The following EPS8 variants were observed in gnomAD, a reference collection of about 807,000 sequenced individuals.
EPS8 encodes epidermal growth factor receptor kinase substrate 8.
In EPS8, 42 loss-of-function variants were observed where a neutral mutation model predicts 103.8. That is an observed-to-expected ratio of 0.40 (90% CI 0.32 to 0.52). The LOEUF (loss-of-function observed/expected upper bound fraction) is 0.52. EPS8 is among the 20% of genes least tolerant of loss of function. The pLI, the probability that EPS8 is intolerant of heterozygous loss-of-function variation, is 0.40. For synonymous variants in EPS8, 344 were observed against 344.6 expected (o/e 1.00, Z 0.02); for missense variants, 969 against 1,005.1 (o/e 0.96, Z 0.49).
intron 18 of EPS8, among the ~76,000 whole-genome samples, chr12:15,630,605 A>C: frequency 6.6e-6 from 1 of 152,174 alleles, no homozygotes; most frequent in East Asian, 1.9e-4. Context: ...ATGAAATTTG[A>C]ATTTGGAGGC....
At chr12:15,682,174 G>A (rs1946019960) in intron 2 of EPS8, among the ~76,000 whole-genome samples, 1 of 151,998 alleles carries the variant, frequency 6.6e-6, no homozygotes, top group African/African-American at 2.4e-5. Flanking sequence ...ATAGCACAGT[G>A]TCTGTGGAAA....
chr12:15,654,494 G>A lies in EPS8; in HGVS notation c.1102-201C>T. The A allele has an allele frequency of 5.1e-6, 3 of 585,382 alleles. No homozygotes were observed. The South Asian group carries it at 6.4e-5, about 12-fold the overall frequency. The allele number at this position is 585,382 out of a possible 1,614,324, so 36.3% of individuals were successfully genotyped here. ...CCCAGCAGTGCTTTAAAACCTAAAT[G>A]AAAGTTAACAATTTAACAACTTTCA... On this transcript the variant is annotated intron_variant, in intron 12 of 20. Transcript: ENST00000281172.
chr12:15,668,997 C>T (rs1357347840), intron 6 of EPS8, among the ~76,000 whole-genome samples: 1 of 152,142 alleles, frequency 6.6e-6, no homozygotes, highest in Non-Finnish European at 1.5e-5. Context: ...CTCAAGAGAT[C>T]TTCCTCCCTT....
chr12:15,726,500 T>A (rs562750159), intron 1 of EPS8, among the ~76,000 whole-genome samples: 1 of 152,156 alleles, frequency 6.6e-6, no homozygotes, highest in Non-Finnish European at 1.5e-5. Flanking sequence ...GCCAGGTAGT[T>A]ATAAAAAATG....
At position 15,624,339 on chromosome 12, in the gene EPS8, C is replaced by A. The variant is rs78763451; in HGVS notation, c.2113G>T (p.Ala705Ser). Residue 705 changes from alanine to serine, a missense_variant, in exon 19 of 21, where the codon GCT (alanine) becomes TCT (serine). Ala to Ser is a moderately conservative substitution (Grantham distance 99). Transcript: ENST00000281172. ...CGTGGCACATGGAATTTCTTCTGAG[C>A]GGCACTCCGACCAATGGTCAGTCTG... Reference protein sequence around the residue: ...IHRLTIGRSAAQKKFHVPRQN... With the variant: ...IHRLTIGRSASQKKFHVPRQN... The A allele has an allele frequency of 1.2e-6, 2 of 1,610,090 alleles. No homozygotes were observed. Among genetic ancestry groups the A allele is most frequent in the Admixed American group, 1.7e-5 (1 of 59,800 alleles).
In EPS8 at chr12:15,695,078, T is replaced by G. The variant is rs1346611250; in HGVS notation, c.-21-12106A>C. ...AGGTAAAAAGAACTTCTTATTCTCATTTTAATGAGAATCTGAGACTTTAAA... is the reference window on the plus strand; with the variant it reads ...AGGTAAAAAGAACTTCTTATTCTCAGTTTAATGAGAATCTGAGACTTTAAA... On this transcript the variant is annotated intron_variant, in intron 1 of 20. Transcript: ENST00000281172. This position sits in a 1 kb window ranked among gnomAD's most constrained non-coding sequence, Gnocchi z 5.0. Among the ~76,000 whole-genome samples, 1 of 152,186 alleles carries G rather than the reference T, an allele frequency of 6.6e-6. No individual in the cohort carries two copies. Among genetic ancestry groups the G allele is most frequent in the Non-Finnish European group, 1.5e-5 (1 of 68,022 alleles).
rs1946791843 is a variant in EPS8 at position 15,738,843 on chromosome 12, G to A, written c.-22+50318C>T. 6.6e-6 allele frequency among the ~76,000 whole-genome samples: 1 copy of A among 152,054 alleles called. No homozygotes were observed. Among genetic ancestry groups the A allele is most frequent in the Non-Finnish European group, 1.5e-5 (1 of 68,008 alleles). Reference sequence around the variant, plus strand: ...TTACAAGCATACACCTTCACTCCAAGGACCTCAGATTAAATCATTAAGCGT... The same window carrying A: ...TTACAAGCATACACCTTCACTCCAAAGACCTCAGATTAAATCATTAAGCGT... On this transcript the variant is annotated intron_variant, in intron 1 of 20. Coordinates refer to ENST00000281172, the MANE Select transcript of EPS8 (RefSeq NM_004447.6). This position sits in a 1 kb window ranked among gnomAD's most constrained non-coding sequence, Gnocchi z 6.2.
intron 3 of EPS8, among the ~76,000 whole-genome samples, chr12:15,671,251 C>T (rs1254765716): frequency 6.6e-6 from 1 of 152,056 alleles, no homozygotes; most frequent in Admixed American, 6.5e-5. Flanking sequence ...TTTGACAAGT[C>T]AATTACAACT....
In EPS8 at chr12:15,690,666, C is replaced by A. The variant is rs1444054039; in HGVS notation, c.-21-7694G>T. Among the ~76,000 whole-genome samples, 1 of 152,134 alleles carries A rather than the reference C, an allele frequency of 6.6e-6. No homozygotes were observed. Among genetic ancestry groups the A allele is most frequent in the African/African-American group, 2.4e-5 (1 of 41,430 alleles). On this transcript the variant is annotated intron_variant, in intron 1 of 20. Coordinates refer to ENST00000281172, the MANE Select transcript of EPS8 (RefSeq NM_004447.6). This position sits in a 1 kb window ranked among gnomAD's most constrained non-coding sequence, Gnocchi z 4.7. Reference sequence around the variant, plus strand: ...ATGGGGGAATGTAATTGCTTTCTAACAGAATACGTTGTATACTTTTCTAGG... The same window carrying A: ...ATGGGGGAATGTAATTGCTTTCTAAAAGAATACGTTGTATACTTTTCTAGG...
rs143146592 is a variant in EPS8, at chr12:15,761,709, C to T, written c.-22+27452G>A. Among the ~76,000 whole-genome samples, 725 of 152,006 alleles carry T rather than the reference C, an allele frequency of 4.8e-3. 6 individuals are homozygous for T. The highest frequency in any genetic ancestry group is 0.017 in the South Asian group (84 of 4,818). ...AAAAGACAGACTCTTCAATAAATGG[C>T]GCTGGGAAAACTGGATATCCATATC... On this transcript the variant is annotated intron_variant, in intron 1 of 20. Transcript: ENST00000281172. The surrounding 1 kb of genome is among the most constrained non-coding windows in gnomAD (Gnocchi z 4.5).
intron 15 of EPS8, among the ~76,000 whole-genome samples, chr12:15,642,401 C>T (rs1288502498): frequency 1.3e-5 from 2 of 152,020 alleles, no homozygotes; most frequent in South Asian, 2.1e-4. Context: ...GTAACACTTG[C>T]AAATAAGTAA....
chr12:15,650,745 G>A, intron 14 of EPS8, 78 bp downstream of exon 14: 10 of 1,196,338 alleles, frequency 8.4e-6, no homozygotes, highest in Non-Finnish European at 1.2e-5. Context: ...AATAAAATGA[G>A]AACTTGCAAT....
chr12:15,709,693 C>T (rs889598913), intron 1 of EPS8, among the ~76,000 whole-genome samples: 4 of 152,192 alleles, frequency 2.6e-5, no homozygotes, highest in East Asian at 1.9e-4. Flanking sequence ...GCCAGAGCAA[C>T]GGGAGGGCTT....
At chr12:15,682,763 T>C in intron 2 of EPS8, 130 bp downstream of exon 2, 1 of 605,318 alleles carries the variant, frequency 1.7e-6, no homozygotes, top group Non-Finnish European at 2.9e-6. Context: ...AACAAAGATA[T>C]TACATATTAA....
chr12:15,631,422 TGCCTCCCTGG>T lies in EPS8; in HGVS notation c.2044+10_2044+19del. 1 of 1,613,716 alleles carries T rather than the reference TGCCTCCCTGG, an allele frequency of 6.2e-7. No homozygotes were observed. Among genetic ancestry groups the T allele is most frequent in the Admixed American group, 1.7e-5 (1 of 59,998 alleles). On this transcript the variant is annotated intron_variant, in intron 18 of 20. Coordinates refer to ENST00000281172, the MANE Select transcript of EPS8 (RefSeq NM_004447.6). ...CTTTTAATTTGCAGAAGACATTTTTTGCCTCCCTGGGAAACTTACGGTCCACCGGAAGTTG... is the reference window on the plus strand; with the variant it reads ...CTTTTAATTTGCAGAAGACATTTTTTGAAACTTACGGTCCACCGGAAGTTG...
At position 15,669,493 on chromosome 12, in the gene EPS8, T is replaced by G; in HGVS notation, c.410A>C (p.Gln137Pro). 1 of 1,613,466 alleles carries G rather than the reference T, an allele frequency of 6.2e-7. No homozygotes were observed. Among genetic ancestry groups the G allele is most frequent in the Non-Finnish European group, 8.5e-7 (1 of 1,179,736 alleles). The change falls in exon 6 of 21, where the codon CAA (glutamine) becomes CCA (proline). Residue 137 changes from glutamine (Q) to proline (P), a missense_variant. Transcript: ENST00000281172. ...ATAGCTGCATGAATGCATCACAGCTTGGCAGTGCTGGATTGTGTTTAAAGG... is the reference window on the plus strand; with the variant it reads ...ATAGCTGCATGAATGCATCACAGCTGGGCAGTGCTGGATTGTGTTTAAAGG... ...NFPLNTIQHC[Q>P]AVMHSCSYDS... is the part of the protein sequence containing the mutation.
In EPS8 at chr12:15,698,955, T is replaced by C. The variant is rs1006157420; in HGVS notation, c.-21-15983A>G. On this transcript the variant is annotated intron_variant, in intron 1 of 20. Transcript: ENST00000281172. This position sits in a 1 kb window ranked among gnomAD's most constrained non-coding sequence, Gnocchi z 4.9. ...TAATCAAGGCCCAGATGCTTCAGAT[T>C]TGAAAAAATGTAAATGACCATCAAT... Among the ~76,000 whole-genome samples the C allele has an allele frequency of 6.6e-6, 1 of 152,114 alleles. No homozygotes were observed. Among genetic ancestry groups the C allele is most frequent in the African/African-American group, 2.4e-5 (1 of 41,418 alleles).
In EPS8 at chr12:15,776,312, C is replaced by A. The variant is rs185763649; in HGVS notation, c.-22+12849G>T. ...CTTCTGGCTGAACTAGTTTATCTAG[C>A]CTTAAAAGTTAAGCCATGTTCTCAA... is the stretch of plus-strand genomic sequence containing the variant. On this transcript the variant is annotated intron_variant, in intron 1 of 20. Coordinates refer to ENST00000281172, the MANE Select transcript of EPS8 (RefSeq NM_004447.6). This position sits in a 1 kb window ranked among gnomAD's most constrained non-coding sequence, Gnocchi z 4.2. Among the ~76,000 whole-genome samples the A allele has an allele frequency of 1.1e-4, 16 of 152,160 alleles. No individual in the cohort carries two copies. The highest frequency in any genetic ancestry group is 4.4e-5 in the Non-Finnish European group (3 of 67,988).
At chr12:15,685,751 C>T (rs540272092) in intron 1 of EPS8, among the ~76,000 whole-genome samples, 103 of 152,212 alleles carry the variant, frequency 6.8e-4, no homozygotes, top group African/African-American at 2.4e-3. Context: ...CAGTGTATAC[C>T]ATGCGGAGGA....
Sources: gnomAD v4.1 joint callset for allele counts (sites outside exome capture counted in the v4.1 genomes callset) on GRCh38, gnomAD v4.1.1 for gene constraint, Gnocchi (gnomAD v3.1) non-coding constraint, MANE v1.5 for transcripts, NCBI Gene and HGNC (gene_info 2026-07-23, HGNC 2026-07-21) for gene names.